Variants in GAS2L3 observed in about 807,000 individuals in gnomAD.
GAS2L3 encodes the protein GAS2-like protein 3.
GAS2L3 carries 28 observed loss-of-function variants against 37.0 expected under a neutral mutation model. The observed-to-expected ratio is 0.76, with a 90% CI of 0.56 to 1.04. GAS2L3 has a LOEUF of 1.04. Ranked by LOEUF, GAS2L3 falls within the 50% of genes least tolerant of loss-of-function variation. The probability of loss-of-function intolerance (pLI) is 0.00; values close to 1 mark genes in which losing one functional copy is unlikely to be tolerated. For synonymous variants in GAS2L3, 290 were observed against 296.6 expected, an observed-to-expected ratio of 0.98 and a Z score of 0.23; for missense variants, 793 against 817.6, an observed-to-expected ratio of 0.97 and a Z score of 0.37.
At chr12:100,583,194 G>A (rs35699) in intron 1 of GAS2L3, among the ~76,000 whole-genome samples, 40,959 of 152,118 alleles carry the variant, frequency 0.27, 5,860 homozygotes, top group African/African-American at 0.35. Flanking sequence ...AGGAACTCCT[G>A]GGACTACATT....
intron 1 of GAS2L3, among the ~76,000 whole-genome samples, chr12:100,584,577 G>A (rs1593160897): frequency 6.6e-6 from 1 of 150,870 alleles, no homozygotes; most frequent in East Asian, 1.9e-4. Flanking sequence ...CTACTTGAAT[G>A]TCTTTTTTTT....
intron 1 of GAS2L3, chr12:100,580,274 G>A: frequency 2.3e-6 from 1 of 429,928 alleles, no homozygotes; most frequent in Non-Finnish European, 4.2e-6. Context: ...TGCTTTTTGG[G>A]GGCTTGTGTT....
At chr12:100,612,378 A>G in intron 6 of GAS2L3, 2 of 420,430 alleles carry the variant, frequency 4.8e-6, no homozygotes. Context: ...GAATTCCTAA[A>G]TGAGTTGGCT....
intron 5 of GAS2L3, chr12:100,611,252 C>G (rs758278268): frequency 2.0e-5 from 3 of 152,158 alleles, no homozygotes; most frequent in Non-Finnish European, 2.9e-5. Flanking sequence ...TCCGAAAGTA[C>G]TGGGATTACA....
intron 1 of GAS2L3, among the ~76,000 whole-genome samples, chr12:100,591,041 C>T (rs899595997): frequency 3.9e-5 from 6 of 152,038 alleles, no homozygotes; most frequent in African/African-American, 1.2e-4. Flanking sequence ...AAAACTTACT[C>T]ATGTAACCAA....
rs1233124574 is a variant in GAS2L3, at chr12:100,600,422, C to T, written c.59C>T (p.Pro20Leu). The T allele has an allele frequency of 1.2e-6, 2 of 1,608,720 alleles. No homozygotes were observed. Among genetic ancestry groups the T allele is most frequent in the African/African-American group, 1.3e-5 (1 of 74,610 alleles). The part of the protein sequence containing the change: ...GEDLPLSPRS[P>L]LTPRHGPGLA... ...GATCTGCCTCTAAGTCCTCGGAGTC[C>T]TCTGACTCCCAGACACGGACCAGGA... Residue 20 changes from proline (P) to leucine (L), a missense_variant, in exon 4 of 10, where the codon CCT becomes CTT. Pro to Leu is a moderately conservative substitution (Grantham distance 98, BLOSUM62 -3). Coordinates refer to ENST00000547754, the MANE Select transcript of GAS2L3 (RefSeq NM_174942.3).
chr12:100,587,565 G>A (rs566450947), intron 1 of GAS2L3, among the ~76,000 whole-genome samples: 4 of 152,120 alleles, frequency 2.6e-5, no homozygotes, highest in Non-Finnish European at 5.9e-5. Context: ...AGCAAAATCG[G>A]CATACAAGGG....
chr12:100,579,534 G>A, intron 1 of GAS2L3: 1 of 773,752 alleles, frequency 1.3e-6, no homozygotes, highest in Non-Finnish European at 2.4e-6. Context: ...TGGAGGAGAG[G>A]GACCAAAGAG....
chr12:100,605,382 C>T (rs781401793), intron 5 of GAS2L3, among the ~76,000 whole-genome samples: 12 of 151,714 alleles, frequency 7.9e-5, no homozygotes, highest in Non-Finnish European at 1.8e-4. Context: ...TTTGGGTCTT[C>T]TCTCTTTTTT....
intron 5 of GAS2L3, among the ~76,000 whole-genome samples, chr12:100,604,387 C>CA (rs1307243852): frequency 3.3e-5 from 5 of 150,058 alleles, no homozygotes; most frequent in Non-Finnish European, 5.9e-5. Context: ...ATTTCCTTCT[C>CA]AGATTGTTGG....
chr12:100,624,716 G>C lies in GAS2L3; in HGVS notation c.1911G>C (p.Lys637Asn). Reference protein sequence around the residue: ...TAPKSAQTVAKSQHSTKGPPR... With the variant: ...TAPKSAQTVANSQHSTKGPPR... ...CGAAGTCAGCACAGACTGTCGCTAA[G>C]AGCCAGCATTCAACTAAAGGGCCTC... Residue 637 changes from lysine (K) to asparagine (N), a missense_variant, in exon 10 of 10, where the codon AAG becomes AAC. Transcript: ENST00000547754. The C allele has an allele frequency of 6.2e-7, 1 of 1,614,002 alleles. No homozygotes were observed. The highest frequency in any genetic ancestry group is 8.5e-7 in the Non-Finnish European group (1 of 1,180,026).
At chr12:100,607,252 T>C (rs1379530818) in intron 5 of GAS2L3, among the ~76,000 whole-genome samples, 1 of 152,178 alleles carries the variant, frequency 6.6e-6, no homozygotes, top group African/African-American at 2.4e-5. Context: ...CATGTCACTC[T>C]CTCCTGGCCT....
chr12:100,601,588 T>C (rs767099227), intron 4 of GAS2L3, 50 bp from the exon 5 acceptor site: 14 of 846,712 alleles, frequency 1.7e-5, no homozygotes, highest in African/African-American at 1.2e-4. Context: ...ATTTTAACCA[T>C]ATTGTTTTTA....
chr12:100,588,203 C>T (rs1257211609), intron 1 of GAS2L3, among the ~76,000 whole-genome samples: 2 of 152,074 alleles, frequency 1.3e-5, no homozygotes, highest in Non-Finnish European at 2.9e-5. Flanking sequence ...TGGGGGAACC[C>T]ACCCCCAATA....
At chr12:100,616,859 A>G (rs1170313762) in intron 6 of GAS2L3, among the ~76,000 whole-genome samples, 1 of 152,222 alleles carries the variant, frequency 6.6e-6, no homozygotes, top group Non-Finnish European at 1.5e-5. Context: ...ACAATGCTGA[A>G]TAGAAATAAT....
chr12:100,588,443 C>G (rs1468908358), intron 1 of GAS2L3, among the ~76,000 whole-genome samples: 2 of 151,882 alleles, frequency 1.3e-5, no homozygotes, highest in Non-Finnish European at 2.9e-5. Flanking sequence ...CTTCAAAGGG[C>G]AAAAAACAGA....
At position 100,625,088 on chromosome 12, in the gene GAS2L3, T is replaced by C; in HGVS notation, c.*198T>C. ...AAAGAGCCCTTCTGAAGCAAACAGT[T>C]GTAAAATCACTGCAAGGTTTTTATT... is the stretch of plus-strand genomic sequence containing the variant. On this transcript the variant is annotated 3_prime_UTR_variant, in exon 10 of 10. Transcript: ENST00000547754. 1 of 470,182 alleles carries C rather than the reference T, an allele frequency of 2.1e-6. No homozygotes were observed. The allele number at this position is 470,182 out of a possible 1,614,324, so 29.1% of individuals were successfully genotyped here.
At chr12:100,616,687 G>A (rs1956191773) in intron 6 of GAS2L3, among the ~76,000 whole-genome samples, 1 of 152,060 alleles carries the variant, frequency 6.6e-6, no homozygotes, top group Non-Finnish European at 1.5e-5. Flanking sequence ...AGCCTCAAGC[G>A]ATCTTCCCGC....
intron 1 of GAS2L3, among the ~76,000 whole-genome samples, chr12:100,587,024 A>G (rs187819573): frequency 9.7e-4 from 147 of 152,328 alleles, no homozygotes; most frequent in East Asian, 4.4e-3. Context: ...AGCTTAAAAC[A>G]GGAAGAATTA....
Sources: gnomAD v4.1 joint callset for allele counts (sites outside exome capture counted in the v4.1 genomes callset) on GRCh38, gnomAD v4.1.1 for gene constraint, MANE v1.5 for transcripts, NCBI Gene and HGNC (gene_info 2026-07-23, HGNC 2026-07-21) for gene names.